Variants in SLC4A11 observed in about 807,000 individuals in gnomAD.
The protein encoded by SLC4A11 is solute carrier family 4 member 11, also known as bicarbonate transporter related protein 1.
In SLC4A11, 74 loss-of-function variants were observed where a neutral mutation model predicts 95.0. The ratio of observed to expected loss-of-function variants is 0.78; its 90% CI spans 0.65 to 0.95. The LOEUF (loss-of-function observed/expected upper bound fraction) is 0.95. Among genes scored for constraint, SLC4A11 ranks in the 40% least tolerant of loss-of-function variants. SLC4A11 has a pLI of 0.00. For missense variants in SLC4A11, 1,081 were observed against 1,192.4 expected (o/e 0.91, Z 1.38); for synonymous variants, 548 against 519.0 (o/e 1.06, Z -0.76).
rs746579826 is a variant in SLC4A11, at chr20:3,228,496, A to G, written c.2388+16T>C. The G allele has an allele frequency of 1.2e-6, 2 of 1,612,962 alleles. No individual in the cohort carries two copies. The highest frequency in any genetic ancestry group is 4.5e-5 in the East Asian group (2 of 44,878). On this transcript the variant is annotated intron_variant, in intron 18 of 19. Coordinates refer to ENST00000642402, the MANE Select transcript of SLC4A11 (RefSeq NM_001174089.2). ...GTCCCCACCCACGCCACTCCCTCGC[A>G]GGGCCAAGCGCTCACCTGCTCCTTG...
At chr20:3,230,871 G>A (rs1568534336) in intron 10 of SLC4A11, 26 bp from the exon 11 acceptor site, 3 of 1,612,892 alleles carry the variant, frequency 1.9e-6, no homozygotes, top group Non-Finnish European at 1.7e-6. Context: ...GGTCAGGTGG[G>A]CGCCGCAGCC....
At position 3,230,729 on chromosome 20, in the gene SLC4A11, C is replaced by T. The variant is rs771049449; in HGVS notation, c.1282+3G>A. Reference sequence around the variant, plus strand: ...CCATCTCCCGCCTCAGCCCCCACTGCACCCTGGATGTAGAGCGCCAGGGGC... The same window carrying T: ...CCATCTCCCGCCTCAGCCCCCACTGTACCCTGGATGTAGAGCGCCAGGGGC... On this transcript the variant is annotated splice_donor_region_variant and intron_variant, in intron 11 of 19. Coordinates refer to ENST00000642402, the MANE Select transcript of SLC4A11 (RefSeq NM_001174089.2). The T allele has an allele frequency of 3.7e-6, 6 of 1,613,128 alleles. No homozygotes were observed. Among genetic ancestry groups the T allele is most frequent in the East Asian group, 2.2e-5 (1 of 44,892 alleles).
Position 3,229,840 on chromosome 20 carries a change from G to A in SLC4A11, c.1490-64C>T, listed in dbSNP as rs935211874. 66 of 1,609,694 alleles carry A rather than the reference G, an allele frequency of 4.1e-5. No individual in the cohort carries two copies. The African/African-American group carries it at 4.8e-4, about 12-fold the overall frequency. ...GTGTGGCAGGGGGAGGCCCTGGAGG[G>A]AGGGGATCTCAGGGAGAAAGGGCTC... On this transcript the variant is annotated intron_variant, in intron 13 of 19. Coordinates refer to ENST00000642402, the MANE Select transcript of SLC4A11 (RefSeq NM_001174089.2).
rs2067579239 is a variant in SLC4A11 at position 3,227,806 on chromosome 20, T to C, written c.2609A>G (p.Asp870Gly). The C allele has an allele frequency of 6.2e-7, 1 of 1,613,190 alleles. No homozygotes were observed. Among genetic ancestry groups the C allele is most frequent in the African/African-American group, 1.3e-5 (1 of 75,010 alleles). ...TGCCAGTCAAGGCCTGTGCTCAGCG[T>C]CCATGACATCCAAGTACTTGGCTTC... ...IIEAKYLDVMDAEHRP is the reference protein window; with the variant it reads ...IIEAKYLDVMGAEHRP The change falls in exon 20 of 20, where the codon GAC becomes GGC. Residue 870 changes from aspartate to glycine, a missense_variant. Transcript: ENST00000642402.
At chr20:3,238,153 C>T (rs2068047505) in intron 1 of SLC4A11, 1 of 1,442,670 alleles carries the variant, frequency 6.9e-7, no homozygotes, top group Non-Finnish European at 9.1e-7. Context: ...GACCGCGTCC[C>T]GGCCGCCTGG....
At position 3,227,852 on chromosome 20, in the gene SLC4A11, T is replaced by C. The variant is rs1219323458; in HGVS notation, c.2563A>G (p.Ile855Val). 6.2e-7 allele frequency: 1 copy of C among 1,612,860 alleles called. No individual in the cohort carries two copies. ...GCTTCAATGATTCGGGGCAGCAGGA[T>C]ATAGCTGTGGGGAGGGAGGGACAGG... The part of the protein sequence containing the change: ...IMIAMIPIRY[I>V]LLPRIIEAKY... Residue 855 changes from isoleucine (I) to valine (V), a missense_variant, in exon 20 of 20, where the codon ATC becomes GTC. Transcript: ENST00000642402.
Position 3,229,218 on chromosome 20 carries a change from G to A in SLC4A11, c.1895C>T (p.Ala632Val), listed in dbSNP as rs147997533. The A allele has an allele frequency of 2.1e-5, 34 of 1,612,680 alleles. No individual in the cohort carries two copies. The highest frequency in any genetic ancestry group is 3.3e-4 in the Middle Eastern group (2 of 6,084). ...YNPSESPFAM[A>V]QIQSLSLRAV... ...CCTCAGGGACAGCGACTGGATCTGCGCCATCGCAAAGGGGCTCTCGCTGGG... is the reference window on the plus strand; with the variant it reads ...CCTCAGGGACAGCGACTGGATCTGCACCATCGCAAAGGGGCTCTCGCTGGG... The change falls in exon 16 of 20, where the codon GCG (alanine) becomes GTG (valine). Residue 632 changes from alanine to valine, a missense_variant. By Grantham distance (64) the Ala-to-Val change is moderately conservative (BLOSUM62 0). Around this residue, in one of 3 missense-constraint regions of SLC4A11, gnomAD observed 767 missense variants for 858.0 expected, o/e 0.89. Coordinates refer to ENST00000642402, the MANE Select transcript of SLC4A11 (RefSeq NM_001174089.2).
chr20:3,236,443 G>A (rs1335424554), intron 2 of SLC4A11, among the ~76,000 whole-genome samples: 2 of 152,148 alleles, frequency 1.3e-5, no homozygotes, highest in African/African-American at 4.8e-5. Flanking sequence ...AAAGAAATTA[G>A]CCGGGTGTGG....
intron 2 of SLC4A11, among the ~76,000 whole-genome samples, chr20:3,237,010 C>T (rs1051849453): frequency 3.9e-5 from 6 of 152,098 alleles, no homozygotes; most frequent in Non-Finnish European, 8.8e-5. Context: ...CCTGTGTCTA[C>T]GCACTGCTCT....
rs1600576463 is a variant in SLC4A11 at position 3,230,772 on chromosome 20, C to T, written c.1242G>A (p.Val414=). ...LYALFSGQPL[V]ILLTTAPLAL... ...CCAGGGGCGCGGTGGTCAGCAGAAT[C>T]ACCAATGGCTGCCCAGAGAAGAGCG... Residue 414 remains valine (V), a synonymous_variant, in exon 11 of 20, where the codon GTG becomes GTA. Transcript: ENST00000642402. The T allele has an allele frequency of 1.2e-6, 2 of 1,613,370 alleles. No individual in the cohort carries two copies. The highest frequency in any genetic ancestry group is 2.2e-5 in the South Asian group (2 of 91,082).
intron 2 of SLC4A11, among the ~76,000 whole-genome samples, chr20:3,235,301 TCTCTCTCTCACACACACACACACA>T (rs1214801946): frequency 1.3e-4 from 15 of 115,378 alleles, no homozygotes; most frequent in African/African-American, 3.9e-4. Context: ...TCTCTCTCTC[TCTCTCTCTCACACACACACACACA>T]CACACACACA....
In SLC4A11 at chr20:3,231,308, C is replaced by A. The variant is rs757082242; in HGVS notation, c.948+22G>T. ...CATGCCCCCGCCGACCCTGCCGGCC[C>A]CCGCCGGCCTCTACCCTGTACCTCT... On this transcript the variant is annotated intron_variant, in intron 8 of 19. Coordinates refer to ENST00000642402, the MANE Select transcript of SLC4A11 (RefSeq NM_001174089.2). The surrounding 1 kb of genome is among the most constrained non-coding windows in gnomAD (Gnocchi z 5.2). The A allele has an allele frequency of 3.1e-6, 5 of 1,613,588 alleles. No individual in the cohort carries two copies. The East Asian group carries it at 8.9e-5, about 29-fold the overall frequency.
chr20:3,238,832 C>T, intron 1 of SLC4A11: 1 of 1,192,798 alleles, frequency 8.4e-7, no homozygotes, highest in Non-Finnish European at 1.0e-6. Flanking sequence ...CCCGCTGCAT[C>T]AGCTGTTCAA....
At position 3,229,424 on chromosome 20, in the gene SLC4A11, T is replaced by A; in HGVS notation, c.1771A>T (p.Ile591Phe). The change falls in exon 15 of 20, where the codon ATC becomes TTC. Residue 591 changes from isoleucine (I) to phenylalanine (F), a missense_variant. Coordinates refer to ENST00000642402, the MANE Select transcript of SLC4A11 (RefSeq NM_001174089.2). ...ATGGGCAGGGCGCAGTCGGACAGGA[T>A]CTCTCGCACGCAGGGGTGCAGGTAG... ...SPYLHPCVRE[I>F]LSDCALPIAV... is the part of the protein sequence containing the mutation. The A allele has an allele frequency of 1.9e-6, 3 of 1,613,158 alleles. No homozygotes were observed. The highest frequency in any genetic ancestry group is 2.5e-6 in the Non-Finnish European group (3 of 1,179,974).
chr20:3,232,522 G>A (rs1254609321), intron 7 of SLC4A11, among the ~76,000 whole-genome samples: 1 of 152,252 alleles, frequency 6.6e-6, no homozygotes, highest in African/African-American at 2.4e-5. Flanking sequence ...CCAACATGGT[G>A]AAACCCCATC....
rs1392682779 is a variant in SLC4A11, at chr20:3,231,425, G to A, written c.853C>T (p.Gln285Ter). The A allele has an allele frequency of 6.2e-7, 1 of 1,613,978 alleles. No homozygotes were observed. Among genetic ancestry groups the A allele is most frequent in the African/African-American group, 1.3e-5 (1 of 74,932 alleles). Residue 285 changes from glutamine (Q) to a stop codon, truncating the protein, a stop_gained, in exon 8 of 20, where the codon CAG (glutamine) becomes TAG (stop). Coordinates refer to ENST00000642402, the MANE Select transcript of SLC4A11 (RefSeq NM_001174089.2). LOFTEE classifies it high-confidence loss of function. This position sits in a 1 kb window ranked among gnomAD's most constrained non-coding sequence, Gnocchi z 5.2. ...CTCACCATGGTGAGCAGCTGTCTCT[G>A]ATGCACCAAGGCCTCCTTGAATTCC... ...EEEFKEALVH[Q>*]RQLLTMVSHG...
In SLC4A11 at chr20:3,234,606, T is replaced by G. The variant is rs770744984; in HGVS notation, c.253A>C (p.Thr85Pro). ...MQATNTENEA[T>P]SGGCVLLHTS... ...TGCAGGAGCACACAGCCACCGGAAG[T>G]CGCTTCATTCTCTGCCGGAGAAAAG... Residue 85 changes from threonine to proline, a missense_variant, in exon 4 of 20, where the codon ACT becomes CCT. Transcript: ENST00000642402. This position sits in a 1 kb window ranked among gnomAD's most constrained non-coding sequence, Gnocchi z 5.8. The G allele has an allele frequency of 6.2e-7, 1 of 1,613,830 alleles. No individual in the cohort carries two copies. The highest frequency in any genetic ancestry group is 1.7e-5 in the Admixed American group (1 of 60,022).
Position 3,229,340 on chromosome 20 carries a change from A to G in SLC4A11, c.1849+6T>C. On this transcript the variant is annotated splice_donor_region_variant and intron_variant, in intron 15 of 19. Coordinates refer to ENST00000642402, the MANE Select transcript of SLC4A11 (RefSeq NM_001174089.2). ...CCACGTCACCCACCGCCCGGCCCCA[A>G]CTCACTCTCGATTTCCCGGAAGCCA... 6.2e-7 allele frequency: 1 copy of G among 1,613,128 alleles called. No individual in the cohort carries two copies. The highest frequency in any genetic ancestry group is 8.5e-7 in the Non-Finnish European group (1 of 1,179,980).
At chr20:3,239,308 G>A, upstream of SLC4A11, 2 of 1,161,152 alleles carry the variant, frequency 1.7e-6, no homozygotes, top group Non-Finnish European at 1.1e-6. Context: ...AGGCAGAGCT[G>A]CCGAGGGCTG....
Sources: allele counts gnomAD v4.1 joint callset (sites outside exome capture counted in the v4.1 genomes callset), GRCh38; gene constraint gnomAD v4.1.1; regional missense constraint gnomAD v4.1.1; non-coding constraint Gnocchi (gnomAD v3.1); transcripts MANE v1.5; gene names NCBI Gene and HGNC (gene_info 2026-07-23, HGNC 2026-07-21).